Variants in CADM2 observed in about 807,000 individuals in gnomAD.
CADM2 encodes cell adhesion molecule 2, also known as immunoglobulin superfamily member 4D.
In CADM2, 12 loss-of-function variants were observed where a neutral mutation model predicts 49.8. That is an observed-to-expected ratio of 0.24 (90% CI 0.15 to 0.39). The LOEUF is 0.39. Among genes scored for constraint, CADM2 ranks in the 10% least tolerant of loss-of-function variants. The probability of loss-of-function intolerance (pLI) is 1.00; values close to 1 mark genes in which losing one functional copy is unlikely to be tolerated. For synonymous variants in CADM2, 214 were observed against 175.4 expected (o/e 1.22, Z -1.74); for missense variants, 378 against 492.3 (o/e 0.77, Z 2.20).
chr3:85,308,628 TACC>T (rs1160710473), intron 1 of CADM2, among the ~76,000 whole-genome samples: 2 of 152,014 alleles, frequency 1.3e-5, no homozygotes, highest in Non-Finnish European at 2.9e-5. Context: ...CTTATCCCAA[TACC>T]ACCTGTGGAA....
At chr3:85,782,752 A>C (rs935429118) in intron 2 of CADM2, among the ~76,000 whole-genome samples, 3 of 152,154 alleles carry the variant, frequency 2.0e-5, no homozygotes, top group Admixed American at 6.6e-5. Context: ...TTAGAGGAGA[A>C]AACTTGCTTA....
At chr3:84,972,295 T>C (rs1396400672) in intron 1 of CADM2, among the ~76,000 whole-genome samples, 1 of 152,246 alleles carries the variant, frequency 6.6e-6, no homozygotes, top group Non-Finnish European at 1.5e-5. Context: ...CCTAAAGATG[T>C]TTTATAACAT....
chr3:85,199,587 T>C (rs2041440853), intron 1 of CADM2, among the ~76,000 whole-genome samples: 1 of 151,912 alleles, frequency 6.6e-6, no homozygotes, highest in African/African-American at 2.4e-5. Context: ...GGCAAATGTT[T>C]CTTGAATGCA....
At chr3:85,453,054 G>T (rs932783316) in intron 1 of CADM2, among the ~76,000 whole-genome samples, 1 of 152,108 alleles carries the variant, frequency 6.6e-6, no homozygotes, top group Non-Finnish European at 1.5e-5. Flanking sequence ...GTAGTTCACA[G>T]ATTACAAAAA....
chr3:85,851,994 T>C (rs766894319), intron 3 of CADM2, among the ~76,000 whole-genome samples: 1 of 152,068 alleles, frequency 6.6e-6, no homozygotes, highest in Non-Finnish European at 1.5e-5. Context: ...TCTTGTAATA[T>C]AACTACATGG....
At chr3:85,864,995 A>G (rs967999711) in intron 3 of CADM2, among the ~76,000 whole-genome samples, 1 of 152,180 alleles carries the variant, frequency 6.6e-6, no homozygotes, top group African/African-American at 2.4e-5. Context: ...CTGGGCTCCC[A>G]GCCCAGAACC....
chr3:85,899,212 C>T (rs1333118219), intron 5 of CADM2, among the ~76,000 whole-genome samples: 1 of 151,570 alleles, frequency 6.6e-6, no homozygotes, highest in African/African-American at 2.4e-5. Context: ...GTGATCCACC[C>T]ACCTTGGCCT....
intron 1 of CADM2, among the ~76,000 whole-genome samples, chr3:85,543,738 A>C (rs1301195069): frequency 1.3e-5 from 2 of 152,186 alleles, no homozygotes; most frequent in East Asian, 1.9e-4. Context: ...TTACTCTGCT[A>C]TCACATGGCT....
chr3:85,855,593 T>G (rs2075277158), intron 3 of CADM2, among the ~76,000 whole-genome samples: 1 of 110,636 alleles, frequency 9.0e-6, no homozygotes, highest in African/African-American at 5.3e-5. Context: ...AACATATATA[T>G]ATATAAAACA....
chr3:85,998,508 A>G (rs938297168), intron 8 of CADM2, among the ~76,000 whole-genome samples: 3 of 152,204 alleles, frequency 2.0e-5, no homozygotes, highest in African/African-American at 7.2e-5. Flanking sequence ...TAGTTTGCCT[A>G]GAGTAAATCA....
At chr3:86,044,724 G>A (rs1434158039) in intron 8 of CADM2, among the ~76,000 whole-genome samples, 1 of 152,080 alleles carries the variant, frequency 6.6e-6, no homozygotes, top group Non-Finnish European at 1.5e-5. Context: ...TATACCCAAA[G>A]GATTATAAAA....
chr3:85,632,751 C>T (rs1220015039), intron 1 of CADM2, among the ~76,000 whole-genome samples: 1 of 151,948 alleles, frequency 6.6e-6, no homozygotes, highest in East Asian at 1.9e-4. Flanking sequence ...CCCAACTTCA[C>T]TATTAATTTA....
At chr3:85,509,730 C>A (rs192143079) in intron 1 of CADM2, among the ~76,000 whole-genome samples, 12 of 151,934 alleles carry the variant, frequency 7.9e-5, no homozygotes, top group African/African-American at 2.4e-4. Context: ...GAATTAAAAC[C>A]GCTATATAAA....
At chr3:85,439,975 G>T (rs1360432431) in intron 1 of CADM2, among the ~76,000 whole-genome samples, 1 of 151,942 alleles carries the variant, frequency 6.6e-6, no homozygotes, top group East Asian at 1.9e-4. Context: ...ATTATTTTTG[G>T]ATTATTTCTT....
At chr3:85,057,137 C>T (rs570406425) in intron 1 of CADM2, among the ~76,000 whole-genome samples, 36 of 152,202 alleles carry the variant, frequency 2.4e-4, no homozygotes, top group East Asian at 1.9e-3. Flanking sequence ...CAAACCCTGT[C>T]AACAACTTAT....
chr3:85,528,818 C>T lies in CADM2; in HGVS notation c.62-197704C>T, dbSNP rs377293177. Among the ~76,000 whole-genome samples the T allele has an allele frequency of 2.0e-4, 31 of 152,240 alleles. 1 individual carries two copies. The East Asian group carries it at 3.3e-3, about 16-fold the overall frequency. On this transcript the variant is annotated intron_variant, in intron 1 of 9. Coordinates refer to ENST00000383699, the MANE Select transcript of CADM2 (RefSeq NM_001167675.2). ...CACTACTAGTGTTGTTTATTTCTTTCTTATCCAAAATCTTCTCTCAGAAAA... is the reference window on the plus strand; with the variant it reads ...CACTACTAGTGTTGTTTATTTCTTTTTTATCCAAAATCTTCTCTCAGAAAA...
At chr3:85,107,355 G>A (rs1208888253) in intron 1 of CADM2, among the ~76,000 whole-genome samples, 4 of 152,022 alleles carry the variant, frequency 2.6e-5, no homozygotes, top group Admixed American at 2.6e-4. Flanking sequence ...ATAAAAGGAT[G>A]GTCACCATCA....
Position 84,959,461 on chromosome 3 carries a change from C to G in CADM2, c.-147C>G. The G allele has an allele frequency of 1.5e-6, 1 of 688,360 alleles. No homozygotes were observed. The highest frequency in any genetic ancestry group is 2.4e-6 in the Non-Finnish European group (1 of 416,624). 42.6% of individuals were successfully genotyped at this position (688,360 alleles called of 1,614,324 possible). A position where few individuals can be genotyped will look rare whatever the true frequency, so the allele number is the denominator to read the frequency against. On this transcript the variant is annotated 5_prime_UTR_variant, in exon 1 of 10. Transcript: ENST00000383699. The stretch of plus-strand genomic sequence containing the variant: ...CGCTTCTGCTGCCGCCGATCCGAGT[C>G]CGCGGGTTCGAACACCGCAGCGGTG...
chr3:85,254,263 G>GA (rs1321737307), intron 1 of CADM2, among the ~76,000 whole-genome samples: 1 of 152,066 alleles, frequency 6.6e-6, no homozygotes, highest in African/African-American at 2.4e-5. Context: ...AAGGGGTGTG[G>GA]AGTTTCCATG....
Sources: gnomAD v4.1 joint callset for allele counts (sites outside exome capture counted in the v4.1 genomes callset) on GRCh38, gnomAD v4.1.1 for gene constraint, MANE v1.5 for transcripts, NCBI Gene and HGNC (gene_info 2026-07-23, HGNC 2026-07-21) for gene names.